The following FOCAD variants were observed in gnomAD, a reference collection of about 807,000 sequenced individuals.
FOCAD encodes the protein focadhesin.
In FOCAD, 198 loss-of-function variants were observed where a neutral mutation model predicts 225.6. The ratio of observed to expected loss-of-function variants is 0.88; its 90% CI spans 0.78 to 0.99. The LOEUF is 0.99. Ranked by LOEUF, FOCAD falls within the 50% of genes least tolerant of loss-of-function variation. FOCAD has a pLI of 0.00. For missense variants in FOCAD, 2,713 were observed against 2,123.6 expected, an observed-to-expected ratio of 1.28 and a Z score of -5.46; for synonymous variants, 897 against 755.0, an observed-to-expected ratio of 1.19 and a Z score of -3.08.
At chr9:20,765,983 T>C (rs1830022229) in intron 7 of FOCAD, among the ~76,000 whole-genome samples, 1 of 152,222 alleles carries the variant, frequency 6.6e-6, no homozygotes, top group African/African-American at 2.4e-5. Context: ...TAGGCTTTCC[T>C]GTAATCAAGG....
At chr9:20,690,377 T>C (rs938589316) in intron 1 of FOCAD, among the ~76,000 whole-genome samples, 4 of 152,216 alleles carry the variant, frequency 2.6e-5, no homozygotes, top group African/African-American at 9.6e-5. Flanking sequence ...CATTCCTGCT[T>C]AAGCCACTGT....
chr9:20,758,506 C>A (rs1177209583), intron 6 of FOCAD, among the ~76,000 whole-genome samples: 1 of 121,716 alleles, frequency 8.2e-6, no homozygotes, highest in Admixed American at 9.0e-5. Flanking sequence ...CTAATGCTAT[C>A]CCTCCCCCCT....
At chr9:20,826,848 CTA>C (rs777327100) in intron 15 of FOCAD, among the ~76,000 whole-genome samples, 12 of 152,058 alleles carry the variant, frequency 7.9e-5, no homozygotes, top group Non-Finnish European at 1.5e-4. Flanking sequence ...TATCATTACG[CTA>C]TGAGTTTGTC....
At chr9:20,766,372 G>T (rs1458071310) in intron 7 of FOCAD, among the ~76,000 whole-genome samples, 1 of 152,170 alleles carries the variant, frequency 6.6e-6, no homozygotes, top group African/African-American at 2.4e-5. Context: ...CGTGGTCTTA[G>T]AGACAATATA....
At chr9:20,858,696 G>GTTTTTCTAC (rs1297248894) in intron 15 of FOCAD, among the ~76,000 whole-genome samples, 1 of 151,936 alleles carries the variant, frequency 6.6e-6, no homozygotes, top group Non-Finnish European at 1.5e-5. Context: ...TTTGTTTGAA[G>GTTTTTCTAC]TTTTTCTACT....
intron 1 of FOCAD, among the ~76,000 whole-genome samples, chr9:20,698,961 G>C (rs991924567): frequency 1.1e-4 from 17 of 152,302 alleles, no homozygotes; most frequent in African/African-American, 4.1e-4. Context: ...GCCAAGAAGT[G>C]TCAGATAGTA....
chr9:20,818,974 C>A (rs1824028308), intron 11 of FOCAD, among the ~76,000 whole-genome samples: 1 of 152,102 alleles, frequency 6.6e-6, no homozygotes, highest in African/African-American at 2.4e-5. Context: ...GATGTCTTAA[C>A]AATGTTATGT....
chr9:20,978,458 T>C lies in FOCAD; in HGVS notation c.4377+4T>C, dbSNP rs1391398715. On this transcript the variant is annotated splice_donor_region_variant and intron_variant, in intron 37 of 43. Transcript: ENST00000338382. ...ACCACTGATCCACAGTCTGAGTGTA[T>C]GTAGTAACTAAGGGTGTTGGCCAAC... The C allele has an allele frequency of 3.8e-6, 6 of 1,585,392 alleles. No homozygotes were observed. Among genetic ancestry groups the C allele is most frequent in the Admixed American group, 1.7e-5 (1 of 57,754 alleles).
intron 35 of FOCAD, among the ~76,000 whole-genome samples, chr9:20,967,865 A>T (rs1429726811): frequency 6.6e-6 from 1 of 151,938 alleles, no homozygotes; most frequent in African/African-American, 2.4e-5. Context: ...ATGCTGTTGG[A>T]TTCTGTTTGC....
chr9:20,768,979 A>G (rs185547433), intron 7 of FOCAD, among the ~76,000 whole-genome samples: 29 of 152,188 alleles, frequency 1.9e-4, no homozygotes, highest in African/African-American at 6.7e-4. Flanking sequence ...TTTTTTTGTT[A>G]TGGAAAATTA....
intron 21 of FOCAD, among the ~76,000 whole-genome samples, chr9:20,887,561 G>T (rs1315578291): frequency 6.6e-6 from 1 of 152,112 alleles, no homozygotes; most frequent in Non-Finnish European, 1.5e-5. Context: ...CTTGAGAATT[G>T]CAGTTTGTTT....
intron 35 of FOCAD, among the ~76,000 whole-genome samples, chr9:20,965,736 T>A (rs1167491703): frequency 6.6e-6 from 1 of 152,204 alleles, no homozygotes; most frequent in Non-Finnish European, 1.5e-5. Flanking sequence ...GCTTTCTGTC[T>A]TTATGTATTT....
chr9:20,747,767 T>C (rs142444733), intron 5 of FOCAD, among the ~76,000 whole-genome samples: 77 of 151,916 alleles, frequency 5.1e-4, no homozygotes, highest in African/African-American at 1.7e-3. Flanking sequence ...TCCATAGATA[T>C]AAAATTTTAT....
intron 11 of FOCAD, among the ~76,000 whole-genome samples, chr9:20,806,568 A>T (rs1295464854): frequency 6.6e-6 from 1 of 152,162 alleles, no homozygotes; most frequent in African/African-American, 2.4e-5. Flanking sequence ...TACTTGTAAG[A>T]TCCCACCCAA....
intron 25 of FOCAD, among the ~76,000 whole-genome samples, chr9:20,924,638 T>C (rs181131825): frequency 6.6e-6 from 1 of 151,872 alleles, no homozygotes; most frequent in African/African-American, 2.4e-5. Flanking sequence ...ATCTGTATTC[T>C]TTTTTTGTTG....
chr9:20,777,552 C>A (rs976742531), intron 8 of FOCAD, among the ~76,000 whole-genome samples: 65 of 151,874 alleles, frequency 4.3e-4, no homozygotes, highest in Middle Eastern at 3.4e-3. Context: ...TAATGGTTTT[C>A]CATTTCTATG....
chr9:20,752,087 A>T (rs1362259371), intron 5 of FOCAD, among the ~76,000 whole-genome samples: 1 of 141,508 alleles, frequency 7.1e-6, no homozygotes, highest in African/African-American at 2.6e-5. Context: ...GGTTGTGAAA[A>T]TTTTCTCCCA....
chr9:20,659,591 G>A (rs1412432619), intron 2 of FOCAD, among the ~76,000 whole-genome samples: 3 of 152,092 alleles, frequency 2.0e-5, no homozygotes, highest in African/African-American at 7.2e-5. Flanking sequence ...GCTAGGCCTC[G>A]GGAGAAAGCA....
intron 15 of FOCAD, among the ~76,000 whole-genome samples, chr9:20,845,164 T>C (rs1300026092): frequency 6.6e-6 from 1 of 152,076 alleles, no homozygotes; most frequent in Non-Finnish European, 1.5e-5. Context: ...TTTCTACTTA[T>C]TAGAATATGC....
Sources: allele counts gnomAD v4.1 joint callset (sites outside exome capture counted in the v4.1 genomes callset), GRCh38; gene constraint gnomAD v4.1.1; transcripts MANE v1.5; gene names NCBI Gene and HGNC (gene_info 2026-07-23, HGNC 2026-07-21).